Variants in NOXRED1 observed in about 807,000 individuals in gnomAD.
NOXRED1 encodes NADP-dependent oxidoreductase domain-containing protein 1.
In NOXRED1, 20 loss-of-function variants were observed where a neutral mutation model predicts 30.4. The observed-to-expected ratio is 0.66, with a 90% confidence interval of 0.46 to 0.96. The LOEUF (loss-of-function observed/expected upper bound fraction) is 0.96, where lower values mean the gene tolerates loss of function less well. NOXRED1 is among the 40% of genes least tolerant of loss of function. NOXRED1 has a pLI of 0.00. For missense variants in NOXRED1, 374 were observed against 428.0 expected (o/e 0.87, Z 1.11); for synonymous variants, 155 against 168.0 (o/e 0.92, Z 0.60).
At chr14:77,425,655 T>C (rs1480088740), upstream of NOXRED1, among the ~76,000 whole-genome samples, 2 of 152,260 alleles carry the variant, frequency 1.3e-5, no homozygotes, top group East Asian at 3.8e-4. Context: ...ACACTGGTGT[T>C]GCTAACATGT....
At chr14:77,401,060 G>A (rs1319728000) in intron 5 of NOXRED1, among the ~76,000 whole-genome samples, 1 of 152,158 alleles carries the variant, frequency 6.6e-6, no homozygotes, top group Non-Finnish European at 1.5e-5. Context: ...TTATTTTGTG[G>A]ATATTGAAAA....
Position 77,407,630 on chromosome 14 carries a change from A to C in NOXRED1, c.365T>G (p.Leu122Arg), listed in dbSNP as rs1414320075. Residue 122 changes from leucine (L) to arginine (R), a missense_variant, in exon 3 of 6, where the codon CTG (leucine) becomes CGG (arginine). Physicochemically the swap from Leu to Arg is moderately radical, Grantham distance 102. Coordinates refer to ENST00000380835, the MANE Select transcript of NOXRED1 (RefSeq NM_001113475.3). ...GTTATGGTAAAAGCATTTGATTCCC[A>C]GCTTCTGGAGCTCACCTGGGAGGGA... The part of the protein sequence containing the change: ...RPETLGELQK[L>R]GIKCFYHNAD... 1.2e-6 allele frequency: 2 copies of C among 1,613,866 alleles called. No homozygotes were observed. Among genetic ancestry groups the C allele is most frequent in the African/African-American group, 2.7e-5 (2 of 74,924 alleles).
At chr14:77,418,356 G>A (rs973220361) in intron 1 of NOXRED1, among the ~76,000 whole-genome samples, 3 of 151,876 alleles carry the variant, frequency 2.0e-5, no homozygotes, top group Non-Finnish European at 4.4e-5. Flanking sequence ...GGTTGGTCTC[G>A]AACTTCTGGA....
rs1894836463 is a variant in NOXRED1 at position 77,416,773 on chromosome 14, G to GGGC, written c.156-2649_156-2647dup. Among the ~76,000 whole-genome samples the GGGC allele has an allele frequency of 4.6e-5, 7 of 152,336 alleles. No individual in the cohort carries two copies. The South Asian group carries it at 1.4e-3, about 32-fold the overall frequency. ...AGAGGGGCTCCTCACTTCCCAGTAG[G>GGGC]GGCGGCCGGGCAGAGGCGCCCCTCA... On this transcript the variant is annotated intron_variant, in intron 1 of 5. Transcript: ENST00000380835.
intron 5 of NOXRED1, among the ~76,000 whole-genome samples, chr14:77,401,919 G>A (rs181095486): frequency 4.6e-5 from 7 of 152,286 alleles, no homozygotes; most frequent in Admixed American, 3.9e-4. Flanking sequence ...AGGAGCAAAA[G>A]CAATATAATG....
At chr14:77,400,972 G>A (rs1037272743) in intron 5 of NOXRED1, among the ~76,000 whole-genome samples, 6 of 152,166 alleles carry the variant, frequency 3.9e-5, no homozygotes, top group African/African-American at 9.7e-5. Context: ...TGGAGAAGAA[G>A]ACTCAATACT....
intron 3 of NOXRED1, 82 bp from the exon 4 acceptor site, chr14:77,406,957 C>T: frequency 7.9e-7 from 1 of 1,263,550 alleles, no homozygotes; most frequent in Non-Finnish European, 1.1e-6. Context: ...ACATCCAACC[C>T]CATCAACAGA....
At chr14:77,404,514 T>C (rs1392399533) in intron 5 of NOXRED1, among the ~76,000 whole-genome samples, 2 of 152,168 alleles carry the variant, frequency 1.3e-5, no homozygotes, top group East Asian at 1.9e-4. Context: ...AGGCACAGCA[T>C]TGACATTTAG....
chr14:77,405,877 G>T, intron 5 of NOXRED1, 36 bp downstream of exon 5: 1 of 1,244,232 alleles, frequency 8.0e-7, no homozygotes, highest in Non-Finnish European at 1.2e-6. Flanking sequence ...AAGAGTCTGG[G>T]AGAAATGAGA....
chr14:77,406,563 G>A, intron 4 of NOXRED1, 161 bp downstream of exon 4: 1 of 809,030 alleles, frequency 1.2e-6, no homozygotes, highest in South Asian at 1.4e-5. Flanking sequence ...CTCTTCCTAA[G>A]TAGCTCTCCT....
In NOXRED1 at chr14:77,394,689, A is replaced by G. The variant is rs757111390; in HGVS notation, c.1022T>C (p.Phe341Ser). 1.2e-6 allele frequency: 2 copies of G among 1,613,484 alleles called. No individual in the cohort carries two copies. Among genetic ancestry groups the G allele is most frequent in the Non-Finnish European group, 1.7e-6 (2 of 1,179,484 alleles). Residue 341 changes from phenylalanine (F) to serine (S), a missense_variant, in exon 6 of 6, where the codon TTT becomes TCT. Coordinates refer to ENST00000380835, the MANE Select transcript of NOXRED1 (RefSeq NM_001113475.3). ...CTGTTCTTTGGTTAGGGAGATGCCA[A>G]ATGAAGCACAGTATAGATGGGTAAG... ...DHLTHLYCAS[F>S]GISLTKEQPV...
At chr14:77,412,347 G>A (rs946337437) in intron 2 of NOXRED1, among the ~76,000 whole-genome samples, 1 of 151,832 alleles carries the variant, frequency 6.6e-6, no homozygotes, top group African/African-American at 2.4e-5. Flanking sequence ...AATAGTGTAG[G>A]GTGTCTAGTG....
intron 2 of NOXRED1, among the ~76,000 whole-genome samples, chr14:77,408,892 A>ATTTTTTTTTTTTT (rs1177680524): frequency 0.038 from 2,587 of 68,074 alleles, 593 homozygotes; most frequent in Middle Eastern, 0.067. Flanking sequence ...CTGGTAGTTA[A>ATTTTTTTTTTTTT]TTTTTTTTTT....
chr14:77,403,974 C>T (rs892474150), intron 5 of NOXRED1, among the ~76,000 whole-genome samples: 1 of 152,158 alleles, frequency 6.6e-6, no homozygotes, highest in Non-Finnish European at 1.5e-5. Flanking sequence ...CAGGCACGTT[C>T]AGGGTGGTAT....
At chr14:77,398,514 A>G (rs2139663585) in intron 5 of NOXRED1, among the ~76,000 whole-genome samples, 2 of 152,026 alleles carry the variant, frequency 1.3e-5, no homozygotes, top group East Asian at 3.9e-4. Flanking sequence ...GGGCTCCTCA[A>G]CTCCAGCCCA....
At chr14:77,406,590 TACACACACACACAC>T (rs56942412) in intron 4 of NOXRED1, 120 bp downstream of exon 4, 67,574 of 742,604 alleles carry the variant, frequency 0.091, 97 homozygotes, top group East Asian at 0.2. Context: ...CCTTGTGCCT[TACACACACACACAC>T]ACACACACAC....
intron 5 of NOXRED1, among the ~76,000 whole-genome samples, chr14:77,400,082 G>GA (rs1454451960): frequency 2.0e-5 from 3 of 151,790 alleles, no homozygotes; most frequent in African/African-American, 4.8e-5. Context: ...AGTGCAGGAA[G>GA]AAAAAAAATC....
At chr14:77,413,884 C>G in intron 2 of NOXRED1, 50 bp downstream of exon 2, 1 of 1,353,994 alleles carries the variant, frequency 7.4e-7, no homozygotes, top group Non-Finnish European at 1.0e-6. Context: ...GCTTTGTTGA[C>G]ACCTACACAG....
rs747857929 is a variant in NOXRED1 at position 77,394,653 on chromosome 14, G to GAAAT, written c.1054_1057dup (p.Ser353TyrfsTer54). ...CTCTTATTGGGATGGAAAGCCTGTG[G>GAAAT]AAATGACTGGCTGTTCTTTGGTTAG... On this transcript the variant is annotated frameshift_variant, in exon 6 of 6. Transcript: ENST00000380835. LOFTEE classifies it low-confidence loss of function (END_TRUNC). 6.8e-6 allele frequency: 11 copies of GAAAT among 1,612,204 alleles called. No individual in the cohort carries two copies. Among genetic ancestry groups the GAAAT allele is most frequent in the Admixed American group, 1.7e-5 (1 of 59,784 alleles).
Sources: gnomAD v4.1 joint callset for allele counts (sites outside exome capture counted in the v4.1 genomes callset) on GRCh38, gnomAD v4.1.1 for gene constraint, MANE v1.5 for transcripts, NCBI Gene and HGNC (gene_info 2026-07-23, HGNC 2026-07-21) for gene names.